Variants in FBLN2 observed in about 807,000 individuals in gnomAD.
The protein encoded by FBLN2 is fibulin 2.
A neutral mutation model predicts 123.7 loss-of-function variants in FBLN2; 81 were observed. The ratio of observed to expected loss-of-function variants is 0.65; its 90% CI spans 0.55 to 0.79. The LOEUF (loss-of-function observed/expected upper bound fraction) is 0.79, where lower values mean the gene tolerates loss of function less well. Among genes scored for constraint, FBLN2 ranks in the 30% least tolerant of loss-of-function variants. The pLI is 0.00. For missense variants in FBLN2, 1,603 were observed against 1,681.3 expected, an observed-to-expected ratio of 0.95 and a Z score of 0.81; for synonymous variants, 699 against 701.4, an observed-to-expected ratio of 1.00 and a Z score of 0.05.
chr3:13,585,489 ACT>A (rs1220984765), intron 2 of FBLN2, among the ~76,000 whole-genome samples: 1 of 152,096 alleles, frequency 6.6e-6, no homozygotes, highest in African/African-American at 2.4e-5. Flanking sequence ...TCAATGATAT[ACT>A]CTATATGTGA....
Position 13,569,574 on chromosome 3 carries a change from G to A in FBLN2, c.-41-741G>A, listed in dbSNP as rs1049405474. Among the ~76,000 whole-genome samples the A allele has an allele frequency of 3.9e-5, 6 of 151,948 alleles. No homozygotes were observed. The South Asian group carries it at 1.2e-3, about 32-fold the overall frequency. Reference sequence around the variant, plus strand: ...ACTGGGGGAGTTGGTGGGGTGTTAGGGACAGCAAGGCATCAGGATGCATTT... The same window carrying A: ...ACTGGGGGAGTTGGTGGGGTGTTAGAGACAGCAAGGCATCAGGATGCATTT... On this transcript the variant is annotated intron_variant, in intron 1 of 17. Coordinates refer to ENST00000404922, the MANE Select transcript of FBLN2 (RefSeq NM_001004019.2).
chr3:13,552,600 C>T (rs1181042455), intron 1 of FBLN2, among the ~76,000 whole-genome samples: 3 of 152,130 alleles, frequency 2.0e-5, no homozygotes, highest in African/African-American at 7.2e-5. Flanking sequence ...AGGCGCTGCT[C>T]CTGTATGCTA....
At chr3:13,588,293 T>C (rs1704570547) in intron 2 of FBLN2, among the ~76,000 whole-genome samples, 1 of 152,162 alleles carries the variant, frequency 6.6e-6, no homozygotes, top group Non-Finnish European at 1.5e-5. Context: ...TGTGTAGTAG[T>C]CTATGACACT....
intron 2 of FBLN2, among the ~76,000 whole-genome samples, chr3:13,590,349 A>G (rs1269031714): frequency 6.6e-6 from 1 of 151,352 alleles, no homozygotes; most frequent in African/African-American, 2.4e-5. Context: ...TTATCGAGAC[A>G]GAGTCTCACT....
At chr3:13,626,093 C>T (rs1047722978) in intron 9 of FBLN2, among the ~76,000 whole-genome samples, 3 of 152,190 alleles carry the variant, frequency 2.0e-5, no homozygotes, top group African/African-American at 4.8e-5. Flanking sequence ...TCTCCTGCGT[C>T]CTGCTCTGTT....
chr3:13,583,086 G>A (rs537139727), intron 2 of FBLN2, among the ~76,000 whole-genome samples: 2 of 152,358 alleles, frequency 1.3e-5, no homozygotes, highest in Admixed American at 6.5e-5. Context: ...GTCAGCAAAC[G>A]CGCGAGCTGC....
intron 1 of FBLN2, among the ~76,000 whole-genome samples, chr3:13,568,225 C>T (rs553204188): frequency 2.1e-4 from 32 of 152,276 alleles, no homozygotes; most frequent in South Asian, 1.0e-3. Context: ...TCTCCCTGCC[C>T]GTCCATGGCC....
intron 2 of FBLN2, among the ~76,000 whole-genome samples, chr3:13,577,578 C>T (rs975169307): frequency 2.0e-5 from 3 of 152,328 alleles, no homozygotes; most frequent in Admixed American, 2.0e-4. Context: ...AACAGGATCC[C>T]TGGCTAGGAG....
intron 5 of FBLN2, 62 bp from the exon 6 acceptor site, chr3:13,618,014 G>C: frequency 2.7e-6 from 4 of 1,506,028 alleles, no homozygotes; most frequent in Non-Finnish European, 3.7e-6. Context: ...CCCAAAGCTG[G>C]TTGTCTCAGC....
intron 2 of FBLN2, among the ~76,000 whole-genome samples, chr3:13,593,456 C>G (rs902234823): frequency 2.2e-4 from 33 of 152,220 alleles, no homozygotes; most frequent in African/African-American, 7.7e-4. Flanking sequence ...TGGCTCATAC[C>G]TGTAATCCCA....
chr3:13,619,057 G>T, intron 7 of FBLN2, 40 bp downstream of exon 7: 1 of 1,503,832 alleles, frequency 6.6e-7, no homozygotes, highest in Non-Finnish European at 9.1e-7. Context: ...AGGGCCCAGG[G>T]TCCAGGGGGT....
intron 9 of FBLN2, among the ~76,000 whole-genome samples, 172 bp downstream of exon 9, chr3:13,622,087 C>T (rs17038350): frequency 0.032 from 4,809 of 152,260 alleles, 89 homozygotes; most frequent in African/African-American, 0.044. Context: ...CGTCTTGTCC[C>T]GCTTGGCTGC....
Position 13,627,722 on chromosome 3 carries a change from T to C in FBLN2, c.2432-110T>C, listed in dbSNP as rs904128746. On this transcript the variant is annotated intron_variant, in intron 10 of 17. Transcript: ENST00000404922. Reference sequence around the variant, plus strand: ...CTGTGCCAGCTTCCCAGGGAGATCTTTGTGGCCATCAGGGTCATGGGTCTG... The same window carrying C: ...CTGTGCCAGCTTCCCAGGGAGATCTCTGTGGCCATCAGGGTCATGGGTCTG... The C allele has an allele frequency of 2.0e-5, 27 of 1,353,762 alleles. 1 individual carries two copies. The South Asian group carries it at 3.5e-4, about 18-fold the overall frequency. The allele number at this position is 1,353,762 out of a possible 1,614,324, so 83.9% of individuals were successfully genotyped here.
At position 13,614,292 on chromosome 3, in the gene FBLN2, T is replaced by C. The variant is rs919252289; in HGVS notation, c.1729+128T>C. 36 of 905,358 alleles carry C rather than the reference T, an allele frequency of 4.0e-5. No individual in the cohort carries two copies. The African/African-American group carries it at 5.2e-4, about 13-fold the overall frequency. The allele number at this position is 905,358 out of a possible 1,614,324, so 56.1% of individuals were successfully genotyped here. The stretch of plus-strand genomic sequence containing the variant: ...ACAAGTTCTGCTCTAAACAGAGTTC[T>C]GAGGATGGTGATTTCATTGTTTTCT... On this transcript the variant is annotated intron_variant, in intron 5 of 17. Coordinates refer to ENST00000404922, the MANE Select transcript of FBLN2 (RefSeq NM_001004019.2).
chr3:13,587,542 C>T (rs1281747792), intron 2 of FBLN2, among the ~76,000 whole-genome samples: 2 of 152,150 alleles, frequency 1.3e-5, no homozygotes, highest in African/African-American at 4.8e-5. Context: ...TAAGGCCCCC[C>T]GCCACCAACC....
At chr3:13,626,296 G>A (rs1368996519) in intron 9 of FBLN2, 149 bp from the exon 10 acceptor site, 2 of 718,538 alleles carry the variant, frequency 2.8e-6, no homozygotes, top group Non-Finnish European at 4.3e-6. Context: ...ATGTTTGGGT[G>A]CCGAGACATC....
At chr3:13,632,128 C>G (rs930805448) in intron 16 of FBLN2, among the ~76,000 whole-genome samples, 10 of 152,218 alleles carry the variant, frequency 6.6e-5, no homozygotes, top group Non-Finnish European at 1.2e-4. Flanking sequence ...AGTCGTACTT[C>G]TAAGTTCAGT....
At chr3:13,596,564 T>A (rs1704846675) in intron 2 of FBLN2, among the ~76,000 whole-genome samples, 1 of 152,220 alleles carries the variant, frequency 6.6e-6, no homozygotes, top group Non-Finnish European at 1.5e-5. Context: ...ATTTTTTAAA[T>A]CACATAACAT....
chr3:13,570,913 G>T lies in FBLN2; in HGVS notation c.558G>T (p.Glu186Asp). The change falls in exon 2 of 18, where the codon GAG becomes GAT. Residue 186 changes from glutamate (E) to aspartate (D), a missense_variant. By Grantham distance (45) the Glu-to-Asp change is conservative. Coordinates refer to ENST00000404922, the MANE Select transcript of FBLN2 (RefSeq NM_001004019.2). ...GCHGNFSDAE[E>D]GDPERHYEDP... Reference sequence around the variant, plus strand: ...ACGGGAACTTCTCAGATGCCGAGGAGGGTGACCCCGAGCGACACTACGAAG... The same window carrying T: ...ACGGGAACTTCTCAGATGCCGAGGATGGTGACCCCGAGCGACACTACGAAG... 6.2e-7 allele frequency: 1 copy of T among 1,612,880 alleles called. No individual in the cohort carries two copies. The highest frequency in any genetic ancestry group is 1.3e-5 in the African/African-American group (1 of 75,048).
Sources: allele counts gnomAD v4.1 joint callset (sites outside exome capture counted in the v4.1 genomes callset), GRCh38; gene constraint gnomAD v4.1.1; transcripts MANE v1.5; gene names NCBI Gene and HGNC (gene_info 2026-07-23, HGNC 2026-07-21).